Variants in BCKDHB observed in about 807,000 individuals in gnomAD.
BCKDHB encodes the protein branched chain keto acid dehydrogenase E1 subunit beta, also known as 2-oxoisovalerate dehydrogenase subunit beta, mitochondrial.
Under a neutral mutation model 48.5 loss-of-function variants are expected in BCKDHB, and 41 were observed. That is an observed-to-expected ratio of 0.85 (90% CI 0.66 to 1.10). BCKDHB has a LOEUF of 1.10. Among genes scored for constraint, BCKDHB ranks in the 50% least tolerant of loss-of-function variants. The pLI, the probability that BCKDHB is intolerant of heterozygous loss-of-function variation, is 0.00. For missense variants in BCKDHB, 496 were observed against 494.2 expected, an observed-to-expected ratio of 1.00 and a Z score of -0.03; for synonymous variants, 201 against 174.8, an observed-to-expected ratio of 1.15 and a Z score of -1.18.
the BCKDHB span, among the ~76,000 whole-genome samples, chr6:80,407,275 G>C: frequency 2.0e-5 from 3 of 152,130 alleles, no homozygotes; most frequent in East Asian, 1.9e-4. Flanking sequence ...AGCATAGTTT[G>C]AAGTCAGGTA....
At chr6:80,202,582 G>T (rs3805916) in intron 7 of BCKDHB, among the ~76,000 whole-genome samples, 3,181 of 152,124 alleles carry the variant, frequency 0.021, 107 homozygotes, top group East Asian at 0.12. Context: ...TATGGTATGT[G>T]ATACTGGCTG....
At chr6:80,454,763 C>T in the BCKDHB span, among the ~76,000 whole-genome samples, 1 of 152,134 alleles carries the variant, frequency 6.6e-6, no homozygotes, top group Non-Finnish European at 1.5e-5. Flanking sequence ...AATCAGGAGC[C>T]CCTCCCTACA....
At chr6:80,383,938 A>T in the BCKDHB span, among the ~76,000 whole-genome samples, 1 of 152,216 alleles carries the variant, frequency 6.6e-6, no homozygotes, top group South Asian at 2.1e-4. Context: ...TGAGAAAATG[A>T]TATTTTATCT....
rs994881464 is a variant in BCKDHB at position 80,226,445 on chromosome 6, C to T, written c.951+23233C>T. On this transcript the variant is annotated intron_variant, in intron 8 of 9. Coordinates refer to ENST00000320393, the MANE Select transcript of BCKDHB (RefSeq NM_183050.4). ...GCATTGTCTTGTTGGACTGAAGCCT[C>T]TAGCCATCTTATCAAGCCAGAGCTA... Among the ~76,000 whole-genome samples, 6 of 152,192 alleles carry T rather than the reference C, an allele frequency of 3.9e-5. No homozygotes were observed. In the East Asian group the frequency reaches 9.6e-4, roughly 24 times the overall value.
chr6:80,173,734 C>G (rs1773023772), intron 6 of BCKDHB, among the ~76,000 whole-genome samples: 1 of 150,732 alleles, frequency 6.6e-6, no homozygotes, highest in African/African-American at 2.4e-5. Context: ...ATGCTTTTGA[C>G]CTATGGTTTT....
At chr6:80,437,572 G>A in the BCKDHB span, among the ~76,000 whole-genome samples, 1 of 152,280 alleles carries the variant, frequency 6.6e-6, no homozygotes, top group South Asian at 2.1e-4. Flanking sequence ...GGAAGCTGCA[G>A]TGTTCTCACA....
At chr6:80,123,894 C>G (rs138556888) in intron 1 of BCKDHB, among the ~76,000 whole-genome samples, 27 of 152,238 alleles carry the variant, frequency 1.8e-4, no homozygotes, top group Admixed American at 5.2e-4. Flanking sequence ...CTATCTCTTT[C>G]AGTTCTGCTC....
the BCKDHB span, among the ~76,000 whole-genome samples, chr6:80,426,316 T>C: frequency 1.3e-5 from 2 of 152,170 alleles, no homozygotes; most frequent in Non-Finnish European, 2.9e-5. Flanking sequence ...TTTATTTTAT[T>C]GTTTTTCTGT....
intron 3 of BCKDHB, among the ~76,000 whole-genome samples, chr6:80,137,604 G>A (rs1167462558): frequency 6.6e-6 from 1 of 152,116 alleles, no homozygotes; most frequent in Non-Finnish European, 1.5e-5. Context: ...TCAGAGCTGG[G>A]GAGAAATGGA....
At chr6:80,298,068 G>A (rs115655826) in intron 9 of BCKDHB, among the ~76,000 whole-genome samples, 3,186 of 151,946 alleles carry the variant, frequency 0.021, 90 homozygotes, top group East Asian at 0.11. Flanking sequence ...TTTTAATTAA[G>A]CTGATGTTTA....
At chr6:80,415,102 T>C in the BCKDHB span, among the ~76,000 whole-genome samples, 13 of 152,112 alleles carry the variant, frequency 8.5e-5, no homozygotes, top group Non-Finnish European at 1.3e-4. Flanking sequence ...TAGTGACTTT[T>C]GCACATTGCT....
chr6:80,139,589 G>A (rs1771078810), intron 3 of BCKDHB, among the ~76,000 whole-genome samples: 1 of 151,362 alleles, frequency 6.6e-6, no homozygotes, highest in Admixed American at 6.6e-5. Flanking sequence ...GTTTTTCTCA[G>A]GTTTGTCAAA....
chr6:80,419,684 G>A, the BCKDHB span, among the ~76,000 whole-genome samples: 9 of 152,276 alleles, frequency 5.9e-5, no homozygotes, highest in African/African-American at 2.2e-4. Context: ...GTCTCTTCCT[G>A]CTGATTTCCA....
At chr6:80,142,261 A>G (rs1277171459) in intron 3 of BCKDHB, among the ~76,000 whole-genome samples, 4 of 152,124 alleles carry the variant, frequency 2.6e-5, no homozygotes, top group African/African-American at 9.6e-5. Flanking sequence ...ATACAAATAT[A>G]TATTGAAATT....
At chr6:80,283,375 C>T (rs1008753385) in intron 9 of BCKDHB, among the ~76,000 whole-genome samples, 5 of 152,010 alleles carry the variant, frequency 3.3e-5, no homozygotes, top group Non-Finnish European at 5.9e-5. Flanking sequence ...TTTCATCTCC[C>T]TGAGTAATAA....
chr6:80,205,791 GGTGTGTGTGTGTGTGT>G (rs3840387), intron 8 of BCKDHB, among the ~76,000 whole-genome samples: 258 of 135,168 alleles, frequency 1.9e-3, no homozygotes, highest in African/African-American at 3.7e-3. Flanking sequence ...CTGTGCCATG[GGTGTGTGTGTGTGTGT>G]GTGTGTGTGT....
At chr6:80,330,809 A>T (rs1040593) in intron 9 of BCKDHB, among the ~76,000 whole-genome samples, 2 of 152,110 alleles carry the variant, frequency 1.3e-5, no homozygotes, top group Non-Finnish European at 2.9e-5. Context: ...TTCTCATATG[A>T]CATTTGCTCC....
At chr6:80,290,036 C>A (rs1337456602) in intron 9 of BCKDHB, among the ~76,000 whole-genome samples, 1 of 152,100 alleles carries the variant, frequency 6.6e-6, no homozygotes, top group Non-Finnish European at 1.5e-5. Context: ...ACAGCCCCTG[C>A]AGCACAGCCT....
chr6:80,279,282 T>C (rs186080267), intron 9 of BCKDHB, among the ~76,000 whole-genome samples: 5 of 152,150 alleles, frequency 3.3e-5, no homozygotes, highest in African/African-American at 1.2e-4. Flanking sequence ...GCCTCCCAAG[T>C]AGCTGTAATT....
Sources: gnomAD v4.1 joint callset for allele counts (sites outside exome capture counted in the v4.1 genomes callset) on GRCh38, gnomAD v4.1.1 for gene constraint, MANE v1.5 for transcripts, NCBI Gene and HGNC (gene_info 2026-07-23, HGNC 2026-07-21) for gene names.